The following KLF12 variants were observed in gnomAD, a reference collection of about 807,000 sequenced individuals.
The protein encoded by KLF12 is Krueppel-like factor 12.
KLF12 carries 9 observed loss-of-function variants against 37.8 expected under a neutral mutation model. That is an observed-to-expected ratio of 0.24 (90% CI 0.14 to 0.42). KLF12 has a LOEUF of 0.42. Among genes scored for constraint, KLF12 ranks in the 10% least tolerant of loss-of-function variants. The pLI is 1.00. For missense variants in KLF12, 411 were observed against 516.0 expected (o/e 0.80, Z 1.97); for synonymous variants, 208 against 202.1 (o/e 1.03, Z -0.25).
At chr13:74,026,380 T>C (rs564462083) in intron 1 of KLF12, among the ~76,000 whole-genome samples, 5 of 152,298 alleles carry the variant, frequency 3.3e-5, no homozygotes, top group Middle Eastern at 3.4e-3. Flanking sequence ...GCCTAACTTA[T>C]ATAGTGAAAA....
intron 5 of KLF12, among the ~76,000 whole-genome samples, chr13:73,779,084 T>C (rs866101132): frequency 7.9e-5 from 12 of 152,210 alleles, no homozygotes; most frequent in African/African-American, 2.7e-4. Flanking sequence ...ATGTGTTGTA[T>C]AATAAAAAAT....
intron 1 of KLF12, among the ~76,000 whole-genome samples, chr13:74,013,535 A>C (rs927746483): frequency 1.3e-5 from 2 of 152,156 alleles, no homozygotes; most frequent in Non-Finnish European, 2.9e-5. Context: ...AACAACAACA[A>C]CACAAAAACA....
At chr13:74,084,039 G>C (rs1875101855) in intron 1 of KLF12, among the ~76,000 whole-genome samples, 1 of 152,088 alleles carries the variant, frequency 6.6e-6, no homozygotes. Flanking sequence ...AAGTGTAACA[G>C]AATAATTTAA....
At chr13:73,753,834 C>T (rs959348823) in intron 6 of KLF12, among the ~76,000 whole-genome samples, 2 of 152,038 alleles carry the variant, frequency 1.3e-5, no homozygotes, top group African/African-American at 2.4e-5. Context: ...AGAAGGGGCT[C>T]GACTAATGCA....
intron 5 of KLF12, among the ~76,000 whole-genome samples, chr13:73,797,552 T>C (rs1882048188): frequency 6.6e-6 from 1 of 152,082 alleles, no homozygotes; most frequent in South Asian, 2.1e-4. Flanking sequence ...GGAGAATCAC[T>C]TGAGGCCACG....
intron 1 of KLF12, among the ~76,000 whole-genome samples, chr13:74,100,374 C>G (rs1201162689): frequency 1.3e-5 from 2 of 152,052 alleles, no homozygotes; most frequent in Non-Finnish European, 2.9e-5. Flanking sequence ...TCCTAGCACA[C>G]TGGGAGGCCA....
intron 1 of KLF12, among the ~76,000 whole-genome samples, chr13:73,996,105 G>C (rs1399625411): frequency 6.6e-6 from 1 of 152,172 alleles, no homozygotes; most frequent in Admixed American, 6.5e-5. Flanking sequence ...CCATAGGCTT[G>C]ACCAGTGAAG....
At chr13:74,281,500 T>C in the KLF12 span, among the ~76,000 whole-genome samples, 1 of 152,200 alleles carries the variant, frequency 6.6e-6, no homozygotes, top group South Asian at 2.1e-4. Context: ...AGGGATAAAG[T>C]AAGTACTAGG....
the KLF12 span, among the ~76,000 whole-genome samples, chr13:74,242,594 G>A: frequency 1.3e-5 from 2 of 152,184 alleles, no homozygotes; most frequent in Non-Finnish European, 2.9e-5. Context: ...ATAGCCAAAT[G>A]ATATCAACAC....
In KLF12 at chr13:73,861,697, G is replaced by A. The variant is rs141928347; in HGVS notation, c.124-15324C>T. 2.2e-3 allele frequency among the ~76,000 whole-genome samples: 330 copies of A among 151,936 alleles called. 2 individuals are homozygous for A. Among genetic ancestry groups the A allele is most frequent in the African/African-American group, 6.8e-3 (280 of 41,404 alleles). ...TTTTTTTAATTTGTGGAATTATTCCGTTTTCCTCATTTTTCCTTCTCTAAC... is the reference window on the plus strand; with the variant it reads ...TTTTTTTAATTTGTGGAATTATTCCATTTTCCTCATTTTTCCTTCTCTAAC... On this transcript the variant is annotated intron_variant, in intron 3 of 7. Coordinates refer to ENST00000377669, the MANE Select transcript of KLF12 (RefSeq NM_007249.5).
chr13:74,078,743 AT>A (rs912365866), intron 1 of KLF12, among the ~76,000 whole-genome samples: 3 of 152,192 alleles, frequency 2.0e-5, no homozygotes, highest in African/African-American at 7.2e-5. Flanking sequence ...ATGATACCAA[AT>A]AACTTCTCTG....
the KLF12 span, among the ~76,000 whole-genome samples, chr13:74,172,624 A>T: frequency 2.2e-4 from 33 of 152,122 alleles, no homozygotes; most frequent in African/African-American, 7.5e-4. Context: ...CTTTCTCTCC[A>T]TGAGTCTTTT....
the KLF12 span, among the ~76,000 whole-genome samples, chr13:74,159,985 G>A: frequency 2.4e-5 from 3 of 122,570 alleles, no homozygotes; most frequent in African/African-American, 6.4e-5. Flanking sequence ...CTGTGTGACA[G>A]AGGGAGACCT....
At chr13:74,058,884 A>G (rs909451781) in intron 1 of KLF12, among the ~76,000 whole-genome samples, 4 of 152,132 alleles carry the variant, frequency 2.6e-5, no homozygotes, top group Non-Finnish European at 4.4e-5. Flanking sequence ...TTGGGCTTCT[A>G]ATGAGCCCAT....
At chr13:73,706,741 G>A (rs571235492) in intron 7 of KLF12, among the ~76,000 whole-genome samples, 13 of 152,242 alleles carry the variant, frequency 8.5e-5, no homozygotes, top group Non-Finnish European at 1.6e-4. Context: ...TTCCTATTAC[G>A]TATTATTTTA....
At chr13:73,884,266 T>C (rs1016002299) in intron 3 of KLF12, among the ~76,000 whole-genome samples, 11 of 152,170 alleles carry the variant, frequency 7.2e-5, no homozygotes, top group Middle Eastern at 3.2e-3. Context: ...CTGAAGGACA[T>C]ATCAATACCC....
At chr13:73,715,304 G>GT in intron 7 of KLF12, 64 bp downstream of exon 7, 1 of 1,467,904 alleles carries the variant, frequency 6.8e-7, no homozygotes, top group Admixed American at 1.9e-5. Context: ...GGCTCCCGAG[G>GT]TAAGTGGCCG....
At chr13:73,742,806 G>A (rs1404276922) in intron 6 of KLF12, among the ~76,000 whole-genome samples, 2 of 152,096 alleles carry the variant, frequency 1.3e-5, no homozygotes, top group South Asian at 4.1e-4. Context: ...AGATGAAATG[G>A]TGGGACATAT....
intron 2 of KLF12, among the ~76,000 whole-genome samples, chr13:73,972,398 GA>G (rs1208197860): frequency 6.6e-6 from 1 of 151,718 alleles, no homozygotes; most frequent in Non-Finnish European, 1.5e-5. Flanking sequence ...CAATACAATT[GA>G]ATAATAGTTT....
Sources: gnomAD v4.1 joint callset for allele counts (sites outside exome capture counted in the v4.1 genomes callset) on GRCh38, gnomAD v4.1.1 for gene constraint, MANE v1.5 for transcripts, NCBI Gene and HGNC (gene_info 2026-07-23, HGNC 2026-07-21) for gene names.